The following PIP4K2A variants were observed in gnomAD, a reference collection of about 807,000 sequenced individuals.
PIP4K2A encodes the protein phosphatidylinositol-5-phosphate 4-kinase type 2 alpha.
Under a neutral mutation model 42.9 loss-of-function variants are expected in PIP4K2A, and 14 were observed. The ratio of observed to expected loss-of-function variants is 0.33; its 90% CI spans 0.22 to 0.51. The LOEUF (loss-of-function observed/expected upper bound fraction) is 0.51, where lower values mean the gene tolerates loss of function less well. Among genes scored for constraint, PIP4K2A ranks in the 20% least tolerant of loss-of-function variants. The probability of loss-of-function intolerance (pLI) is 0.97; values close to 1 mark genes in which losing one functional copy is unlikely to be tolerated. For synonymous variants in PIP4K2A, 192 were observed against 192.2 expected (o/e 1.00, Z 0.01); for missense variants, 434 against 519.8 (o/e 0.83, Z 1.61).
intron 1 of PIP4K2A, among the ~76,000 whole-genome samples, chr10:22,664,154 C>CATATATATATACATATATATACACATAT (rs1839288326): frequency 1.6e-5 from 1 of 62,312 alleles, no homozygotes; most frequent in African/African-American, 1.2e-4. Flanking sequence ...TATATATACA[C>CATATATATATACATATATATACACATAT]ATATATATAT....
intron 1 of PIP4K2A, among the ~76,000 whole-genome samples, chr10:22,642,619 T>TAC (rs971152976): frequency 1.5e-4 from 7 of 47,238 alleles, no homozygotes; most frequent in African/African-American, 2.3e-4. Flanking sequence ...TGTCTCTATA[T>TAC]ACACACACAC....
chr10:22,600,295 T>G (rs1837729987), intron 3 of PIP4K2A, among the ~76,000 whole-genome samples: 1 of 152,068 alleles, frequency 6.6e-6, no homozygotes, highest in African/African-American at 2.4e-5. Context: ...CCACTTAAAC[T>G]TTGCCATGCT....
At chr10:22,671,273 A>T (rs1392260263) in intron 1 of PIP4K2A, among the ~76,000 whole-genome samples, 2 of 152,240 alleles carry the variant, frequency 1.3e-5, no homozygotes, top group Non-Finnish European at 2.9e-5. Flanking sequence ...AAGAAATATG[A>T]ATAAATAACA....
rs558678289 is a variant in PIP4K2A at position 22,700,623 on chromosome 10, T to C, written c.144+13560A>G. 4.6e-5 allele frequency among the ~76,000 whole-genome samples: 7 copies of C among 152,316 alleles called. No homozygotes were observed. The South Asian group carries it at 1.5e-3, about 32-fold the overall frequency. On this transcript the variant is annotated intron_variant, in intron 1 of 9. Transcript: ENST00000376573. ...CTCCCGCTAATGCAGCCCCTTGCTA[T>C]GGTGTGCAGGTGGCAATACTGACGT...
chr10:22,588,068 A>G lies in PIP4K2A; in HGVS notation c.492+3561T>C, dbSNP rs77386187. Among the ~76,000 whole-genome samples, 1,014 of 152,302 alleles carry G rather than the reference A, an allele frequency of 6.7e-3. 3 individuals carry two copies. Among genetic ancestry groups the G allele is most frequent in the South Asian group, 0.017 (84 of 4,834 alleles). On this transcript the variant is annotated intron_variant, in intron 4 of 9. Transcript: ENST00000376573. ...CACTGTTACTCTTCACTGCTGCTGT[A>G]TTTTTAAAAACCTCTTCTATGTGAG...
intron 3 of PIP4K2A, among the ~76,000 whole-genome samples, chr10:22,596,726 G>A (rs1441289656): frequency 6.6e-6 from 1 of 152,240 alleles, no homozygotes; most frequent in Non-Finnish European, 1.5e-5. Context: ...AGAGTTGGAA[G>A]CAACCTTGGA....
chr10:22,655,359 G>A (rs1400829983), intron 1 of PIP4K2A, among the ~76,000 whole-genome samples: 1 of 152,218 alleles, frequency 6.6e-6, no homozygotes, highest in East Asian at 1.9e-4. Context: ...GGAGCCCTCG[G>A]CAGGAGGTGG....
chr10:22,707,876 G>A (rs1000001944), intron 1 of PIP4K2A, among the ~76,000 whole-genome samples: 1 of 152,146 alleles, frequency 6.6e-6, no homozygotes, highest in East Asian at 1.9e-4. Context: ...GAACTTGCTA[G>A]GACATATCCT....
chr10:22,550,616 A>G (rs1457065202), intron 7 of PIP4K2A, 43 bp downstream of exon 7: 1 of 1,050,084 alleles, frequency 9.5e-7, no homozygotes, highest in Admixed American at 1.7e-5. Context: ...AACAGGGCTG[A>G]TATTTATACA....
intron 1 of PIP4K2A, among the ~76,000 whole-genome samples, chr10:22,626,054 G>A (rs1838428507): frequency 6.6e-6 from 1 of 152,076 alleles, no homozygotes; most frequent in Non-Finnish European, 1.5e-5. Flanking sequence ...CACATGGACA[G>A]AGATGACATT....
chr10:22,704,480 G>A (rs1833777996), intron 1 of PIP4K2A, among the ~76,000 whole-genome samples: 1 of 151,872 alleles, frequency 6.6e-6, no homozygotes, highest in Non-Finnish European at 1.5e-5. Context: ...TTTAGACAAG[G>A]CTTTTCACTC....
chr10:22,556,975 C>T (rs1039419799), intron 6 of PIP4K2A, among the ~76,000 whole-genome samples: 3 of 152,128 alleles, frequency 2.0e-5, no homozygotes, highest in Admixed American at 2.0e-4. Context: ...TAAGACACAA[C>T]ATGAATGTGC....
At chr10:22,690,536 G>C (rs1165081750) in intron 1 of PIP4K2A, among the ~76,000 whole-genome samples, 1 of 152,084 alleles carries the variant, frequency 6.6e-6, no homozygotes, top group Non-Finnish European at 1.5e-5. Context: ...TTGTGGAAGA[G>C]AGTAACAAAA....
At chr10:22,636,102 G>GAA (rs1412779714) in intron 1 of PIP4K2A, among the ~76,000 whole-genome samples, 1 of 152,128 alleles carries the variant, frequency 6.6e-6, no homozygotes, top group Non-Finnish European at 1.5e-5. Flanking sequence ...AAAAAATTGT[G>GAA]AAAATCTTCA....
chr10:22,599,390 T>C (rs1370458804), intron 3 of PIP4K2A, among the ~76,000 whole-genome samples: 1 of 152,228 alleles, frequency 6.6e-6, no homozygotes, highest in Admixed American at 6.5e-5. Flanking sequence ...GGACATTTCA[T>C]ATGGATGTAA....
intron 6 of PIP4K2A, among the ~76,000 whole-genome samples, chr10:22,552,646 A>G (rs1327833810): frequency 6.6e-6 from 1 of 152,210 alleles, no homozygotes; most frequent in Non-Finnish European, 1.5e-5. Flanking sequence ...CAGTGAGAAC[A>G]TAAGCACTGC....
intron 1 of PIP4K2A, among the ~76,000 whole-genome samples, chr10:22,644,663 C>G (rs890044775): frequency 2.0e-5 from 3 of 152,206 alleles, no homozygotes; most frequent in African/African-American, 7.2e-5. Flanking sequence ...TTGGTAGCAC[C>G]TGACCTGACA....
chr10:22,622,655 C>T (rs1750759), intron 1 of PIP4K2A, among the ~76,000 whole-genome samples: 24,892 of 152,198 alleles, frequency 0.16, 2,748 homozygotes, highest in African/African-American at 0.31. Flanking sequence ...GGACGGGCAC[C>T]GCCACTCCAC....
rs148595982 is a variant in PIP4K2A, at chr10:22,579,740, C to T, written c.493-6283G>A. ...CCTGGCCAACATAGTGAAACCCCGC[C>T]TCTACTAAACATATAAAAATCAGAC... is the stretch of plus-strand genomic sequence containing the variant. On this transcript the variant is annotated intron_variant, in intron 4 of 9. Transcript: ENST00000376573. 7.2e-5 allele frequency among the ~76,000 whole-genome samples: 11 copies of T among 152,024 alleles called. 1 individual carries two copies. The highest frequency in any genetic ancestry group is 1.9e-4 in the African/African-American group (8 of 41,468).
Sources: allele counts gnomAD v4.1 joint callset (sites outside exome capture counted in the v4.1 genomes callset), GRCh38; gene constraint gnomAD v4.1.1; transcripts MANE v1.5; gene names NCBI Gene and HGNC (gene_info 2026-07-23, HGNC 2026-07-21).